The following RANBP9 variants were observed in gnomAD, a reference collection of about 807,000 sequenced individuals.
RANBP9 encodes the protein ran-binding protein 9.
RANBP9 carries 15 observed loss-of-function variants against 84.3 expected under a neutral mutation model. The observed-to-expected ratio is 0.18, with a 90% CI of 0.12 to 0.27. The LOEUF (loss-of-function observed/expected upper bound fraction) is 0.27. Among genes scored for constraint, RANBP9 ranks in the 10% least tolerant of loss-of-function variants. RANBP9 has a pLI of 1.00. For missense variants in RANBP9, 809 were observed against 912.8 expected (o/e 0.89, Z 1.46); for synonymous variants, 392 against 349.6 (o/e 1.12, Z -1.35).
intron 1 of RANBP9, among the ~76,000 whole-genome samples, chr6:13,700,492 G>A (rs1249954211): frequency 3.7e-5 from 2 of 53,900 alleles, no homozygotes; most frequent in East Asian, 6.8e-4. Flanking sequence ...GCCTGAGTAG[G>A]TAGGTCCTAC....
At chr6:13,685,995 GAGC>G (rs1562318176) in intron 2 of RANBP9, among the ~76,000 whole-genome samples, 1 of 149,360 alleles carries the variant, frequency 6.7e-6, no homozygotes, top group Non-Finnish European at 1.5e-5. Flanking sequence ...CGAAAGAAAC[GAGC>G]AGAAGTATTG....
At chr6:13,636,174 A>G (rs558246672) in intron 10 of RANBP9, among the ~76,000 whole-genome samples, 1 of 152,302 alleles carries the variant, frequency 6.6e-6, no homozygotes, top group African/African-American at 2.4e-5. Flanking sequence ...GGTATCAGGG[A>G]AAAAGCACAA....
chr6:13,701,356 T>C (rs1458025434), intron 1 of RANBP9, among the ~76,000 whole-genome samples: 2 of 152,230 alleles, frequency 1.3e-5, no homozygotes, highest in South Asian at 2.1e-4. Flanking sequence ...ACAATATTTT[T>C]AGAAATGTTG....
At chr6:13,624,321 C>G (rs568588223) in intron 13 of RANBP9, among the ~76,000 whole-genome samples, 4 of 152,288 alleles carry the variant, frequency 2.6e-5, no homozygotes, top group South Asian at 2.1e-4. Flanking sequence ...GCCCTCATTG[C>G]AAGTCTCCCT....
At chr6:13,705,465 G>A (rs1049801115) in intron 1 of RANBP9, among the ~76,000 whole-genome samples, 1 of 142,480 alleles carries the variant, frequency 7.0e-6, no homozygotes, top group Non-Finnish European at 1.5e-5. Context: ...CTACTGTTCT[G>A]CATGATTATT....
chr6:13,680,886 C>T (rs1475395873), intron 2 of RANBP9, among the ~76,000 whole-genome samples: 1 of 152,072 alleles, frequency 6.6e-6, no homozygotes, highest in African/African-American at 2.4e-5. Flanking sequence ...GAATATTGTT[C>T]CCATGAGCTC....
chr6:13,654,540 G>A lies in RANBP9; in HGVS notation c.905-1859C>T, dbSNP rs144307338. On this transcript the variant is annotated intron_variant, in intron 4 of 13. Coordinates refer to ENST00000011619, the MANE Select transcript of RANBP9 (RefSeq NM_005493.3). Reference sequence around the variant, plus strand: ...CAGATTATCCACTTAGGAAGTATAAGGGAATAGTAACTAAATATTTAACAG... The same window carrying A: ...CAGATTATCCACTTAGGAAGTATAAAGGAATAGTAACTAAATATTTAACAG... Among the ~76,000 whole-genome samples the A allele has an allele frequency of 5.2e-3, 794 of 152,260 alleles. 3 individuals carry two copies. Among genetic ancestry groups the A allele is most frequent in the African/African-American group, 0.018 (749 of 41,538 alleles).
At chr6:13,686,100 T>TCC (rs869051500) in intron 2 of RANBP9, among the ~76,000 whole-genome samples, 1 of 6,994 alleles carries the variant, frequency 1.4e-4, no homozygotes, top group Non-Finnish European at 2.3e-4. Flanking sequence ...CAAAATTTCT[T>TCC]CCCCCCCCCC....
chr6:13,680,251 A>C (rs993077139), intron 2 of RANBP9, among the ~76,000 whole-genome samples: 1 of 152,184 alleles, frequency 6.6e-6, no homozygotes, highest in Admixed American at 6.5e-5. Context: ...AATACTGAAA[A>C]CCATCATACG....
intron 7 of RANBP9, among the ~76,000 whole-genome samples, chr6:13,641,751 G>A (rs1269792424): frequency 1.3e-5 from 2 of 152,086 alleles, no homozygotes; most frequent in African/African-American, 4.8e-5. Context: ...TAGATGATAA[G>A]GATACAAAAT....
chr6:13,629,367 C>T (rs182101328), intron 12 of RANBP9, among the ~76,000 whole-genome samples: 76 of 152,262 alleles, frequency 5.0e-4, no homozygotes, highest in Non-Finnish European at 7.8e-4. Context: ...AATAGTGTCA[C>T]TACAGTTATT....
chr6:13,642,951 TTATCA>T (rs879867982), intron 6 of RANBP9, among the ~76,000 whole-genome samples: 2 of 152,208 alleles, frequency 1.3e-5, no homozygotes, highest in African/African-American at 2.4e-5. Context: ...TATTTTGACT[TTATCA>T]TATGACTTAT....
In RANBP9 at chr6:13,637,468, C is replaced by T. The variant is rs776883848; in HGVS notation, c.1673+340G>A. Among the ~76,000 whole-genome samples the T allele has an allele frequency of 3.9e-5, 6 of 152,176 alleles. No homozygotes were observed. In the South Asian group the frequency reaches 6.2e-4, roughly 16 times the overall value. On this transcript the variant is annotated intron_variant, in intron 10 of 13. Transcript: ENST00000011619. ...GGTTAAATATGCTACTGTGTCTTAACCACTGTGAAAACATAACAAATGGCA... is the reference window on the plus strand; with the variant it reads ...GGTTAAATATGCTACTGTGTCTTAATCACTGTGAAAACATAACAAATGGCA...
chr6:13,663,812 G>C (rs1388344522), intron 2 of RANBP9, among the ~76,000 whole-genome samples: 1 of 151,938 alleles, frequency 6.6e-6, no homozygotes, highest in African/African-American at 2.4e-5. Context: ...TCATGAAATA[G>C]CTGCAGTGAA....
rs1013253569 is a variant in RANBP9 at position 13,694,105 on chromosome 6, G to A, written c.683+2680C>T. On this transcript the variant is annotated intron_variant, in intron 2 of 13. Transcript: ENST00000011619. ...ATGCAAACTAGTATAGCCACTTTGT[G>A]AAACAATTTGGCAGTTTCTTACAAA... is the stretch of plus-strand genomic sequence containing the variant. Among the ~76,000 whole-genome samples, 6 of 152,142 alleles carry A rather than the reference G, an allele frequency of 3.9e-5. No homozygotes were observed. In the South Asian group the frequency reaches 8.3e-4, roughly 21 times the overall value.
At chr6:13,685,786 G>T (rs772644840) in intron 2 of RANBP9, among the ~76,000 whole-genome samples, 5 of 151,852 alleles carry the variant, frequency 3.3e-5, no homozygotes, top group Non-Finnish European at 5.9e-5. Context: ...AAAGTAGCTG[G>T]GCGTGGTGGT....
In RANBP9 at chr6:13,623,168, A is replaced by G. The variant is rs1254034996; in HGVS notation, c.2060-676T>C. Among the ~76,000 whole-genome samples the G allele has an allele frequency of 2.0e-5, 3 of 152,380 alleles. No homozygotes were observed. In the East Asian group the frequency reaches 5.8e-4, roughly 29 times the overall value. On this transcript the variant is annotated intron_variant, in intron 13 of 13. Transcript: ENST00000011619. ...TTGTAGTACAAATGCAATAATTAAC[A>G]AAATTTGTTCCTTGCCAGAGATGGA... is the stretch of plus-strand genomic sequence containing the variant.
intron 5 of RANBP9, 36 bp from the exon 6 acceptor site, chr6:13,644,765 T>C (rs753688607): frequency 2.1e-6 from 3 of 1,417,952 alleles, no homozygotes; most frequent in Non-Finnish European, 2.9e-6. Context: ...CATCTATCCA[T>C]TTTATGTTAG....
At chr6:13,635,724 C>A (rs779744382) in intron 10 of RANBP9, among the ~76,000 whole-genome samples, 8 of 151,410 alleles carry the variant, frequency 5.3e-5, no homozygotes, top group Admixed American at 1.3e-4. Context: ...TAACAAACTT[C>A]GAAAATTGGT....
Sources: gnomAD v4.1 joint callset for allele counts (sites outside exome capture counted in the v4.1 genomes callset) on GRCh38, gnomAD v4.1.1 for gene constraint, MANE v1.5 for transcripts, NCBI Gene and HGNC (gene_info 2026-07-23, HGNC 2026-07-21) for gene names.